The following SARS1 variants were observed in gnomAD, a reference collection of about 807,000 sequenced individuals.
The protein encoded by SARS1 is serine--tRNA ligase, cytoplasmic.
Under a neutral mutation model 63.7 loss-of-function variants are expected in SARS1, and 25 were observed. The ratio of observed to expected loss-of-function variants is 0.39; its 90% CI spans 0.29 to 0.55. The LOEUF is 0.55. Among genes scored for constraint, SARS1 ranks in the 20% least tolerant of loss-of-function variants. SARS1 has a pLI of 0.62. For missense variants in SARS1, 417 were observed against 649.7 expected, an observed-to-expected ratio of 0.64 and a Z score of 3.89; for synonymous variants, 231 against 243.5, an observed-to-expected ratio of 0.95 and a Z score of 0.48.
Position 109,214,685 on chromosome 1 carries a change from C to T in SARS1, c.136+557C>T. 1.0e-6 allele frequency: 1 copy of T among 985,640 alleles called. No individual in the cohort carries two copies. Among genetic ancestry groups the T allele is most frequent in the Middle Eastern group, 5.2e-4 (1 of 1,914 alleles). The allele number at this position is 985,640 out of a possible 1,614,324, so 61.1% of individuals were successfully genotyped here. A position where few individuals can be genotyped will look rare whatever the true frequency, so the allele number is the denominator to read the frequency against. On this transcript the variant is annotated intron_variant, in intron 1 of 10. Coordinates refer to ENST00000234677, the MANE Select transcript of SARS1 (RefSeq NM_006513.4). The surrounding 1 kb of genome is among the most constrained non-coding windows in gnomAD (Gnocchi z 4.6). ...CTGAAGCTTTTCGGAAGGCCATCCC[C>T]CGACCTATGGGCATACCTTTAAGAA...
At chr1:109,232,465 GA>G (rs1178737187) in intron 6 of SARS1, among the ~76,000 whole-genome samples, 1 of 152,204 alleles carries the variant, frequency 6.6e-6, no homozygotes, top group Non-Finnish European at 1.5e-5. Flanking sequence ...TCTTCTGTCA[GA>G]AATAGGGACT....
intron 6 of SARS1, among the ~76,000 whole-genome samples, chr1:109,233,911 C>T (rs1475627490): frequency 7.7e-6 from 1 of 130,180 alleles, no homozygotes; most frequent in African/African-American, 2.7e-5. Context: ...ACTCTTTCAC[C>T]CAGGCTAAAG....
At chr1:109,236,702 C>T in intron 9 of SARS1, 154 bp downstream of exon 9, 1 of 1,494,816 alleles carries the variant, frequency 6.7e-7, no homozygotes, top group Non-Finnish European at 8.9e-7. Flanking sequence ...ATGCCTTCTA[C>T]TGAGTCAGGA....
At chr1:109,219,651 G>T (rs1290176677) in intron 1 of SARS1, among the ~76,000 whole-genome samples, 2 of 151,710 alleles carry the variant, frequency 1.3e-5, no homozygotes, top group African/African-American at 2.4e-5. Flanking sequence ...TAGCTGGGAT[G>T]ACAGGCACCC....
In SARS1 at chr1:109,214,306, A is replaced by G. The variant is rs1654734506; in HGVS notation, c.136+178A>G. ...ACAGCCTGGTCGCCGGGGTCATCCC[A>G]CTTTCTCCTCCACCCGGGCGGAGCG... On this transcript the variant is annotated intron_variant, in intron 1 of 10. Coordinates refer to ENST00000234677, the MANE Select transcript of SARS1 (RefSeq NM_006513.4). The surrounding 1 kb of genome is among the most constrained non-coding windows in gnomAD (Gnocchi z 4.6). Among the ~76,000 whole-genome samples, 1 of 151,996 alleles carries G rather than the reference A, an allele frequency of 6.6e-6. No homozygotes were observed. Among genetic ancestry groups the G allele is most frequent in the Non-Finnish European group, 1.5e-5 (1 of 67,972 alleles).
At position 109,229,545 on chromosome 1, in the gene SARS1, C is replaced by T; in HGVS notation, c.420C>T (p.His140=). ...TCCGAGAGATTGGGAACCTTCTGCACCCTTCTGTACCCATCAGTAACGATG... is the reference window on the plus strand; with the variant it reads ...TCCGAGAGATTGGGAACCTTCTGCATCCTTCTGTACCCATCAGTAACGATG... ...ENLREIGNLL[H]PSVPISNDED... The change falls in exon 4 of 11, where the codon CAC becomes CAT. Residue 140 remains histidine, a synonymous_variant. Coordinates refer to ENST00000234677, the MANE Select transcript of SARS1 (RefSeq NM_006513.4). 1.2e-6 allele frequency: 2 copies of T among 1,613,156 alleles called. No individual in the cohort carries two copies. The highest frequency in any genetic ancestry group is 8.5e-7 in the Non-Finnish European group (1 of 1,179,660).
Position 109,237,928 on chromosome 1 carries a change from C to T in SARS1, c.*40C>T. On this transcript the variant is annotated 3_prime_UTR_variant, in exon 11 of 11. Coordinates refer to ENST00000234677, the MANE Select transcript of SARS1 (RefSeq NM_006513.4). This position sits in a 1 kb window ranked among gnomAD's most constrained non-coding sequence, Gnocchi z 4.1. ...CTATTTGCCAGGCTTTCATTTCTGTCTGCTGAGATCTCAGAGCCTGCCCAA... is the reference window on the plus strand; with the variant it reads ...CTATTTGCCAGGCTTTCATTTCTGTTTGCTGAGATCTCAGAGCCTGCCCAA... The T allele has an allele frequency of 1.2e-6, 2 of 1,606,632 alleles. No individual in the cohort carries two copies. Among genetic ancestry groups the T allele is most frequent in the Non-Finnish European group, 8.5e-7 (1 of 1,175,582 alleles).
chr1:109,215,354 C>T, intron 1 of SARS1: 4 of 985,376 alleles, frequency 4.1e-6, no homozygotes, highest in Non-Finnish European at 4.8e-6. Context: ...CAGCCCTTAG[C>T]CAGTGCTAAA....
At chr1:109,217,935 T>C (rs1360200737) in intron 1 of SARS1, among the ~76,000 whole-genome samples, 1 of 152,092 alleles carries the variant, frequency 6.6e-6, no homozygotes, top group Non-Finnish European at 1.5e-5. Context: ...CTCACTCCTG[T>C]AATCCCAGCA....
At chr1:109,221,968 GTGTATA>G (rs1654938754) in intron 1 of SARS1, among the ~76,000 whole-genome samples, 1 of 9,462 alleles carries the variant, frequency 1.1e-4, no homozygotes, top group African/African-American at 5.1e-4. Flanking sequence ...TTTTGTGTGT[GTGTATA>G]TATATATATA....
intron 1 of SARS1, chr1:109,215,318 A>C: frequency 1.0e-6 from 1 of 985,478 alleles, no homozygotes; most frequent in Non-Finnish European, 1.2e-6. Flanking sequence ...ATCTGAAGTC[A>C]GGAGTATCAG....
chr1:109,223,951 G>A (rs1342862249), intron 1 of SARS1, 27 bp from the exon 2 acceptor site: 1 of 1,547,634 alleles, frequency 6.5e-7, no homozygotes, highest in Non-Finnish European at 8.9e-7. Flanking sequence ...CATTTCTTTG[G>A]TATAGTCTTG....
Position 109,237,813 on chromosome 1 carries a change from C to T in SARS1, c.1470C>T (p.Gly490=). 1.2e-6 allele frequency: 2 copies of T among 1,614,192 alleles called. No individual in the cohort carries two copies. The highest frequency in any genetic ancestry group is 1.7e-6 in the Non-Finnish European group (2 of 1,180,036). ...AGAAGCAGAAGAAGCAACATGAGGG[C>T]AGCAAAAAGAAAGCAGCAGCAAGAG... ...PSKKQKKQHE[G]SKKKAAARDV... The change falls in exon 11 of 11, where the codon GGC becomes GGT. Residue 490 remains glycine (G), a synonymous_variant. Coordinates refer to ENST00000234677, the MANE Select transcript of SARS1 (RefSeq NM_006513.4). This position sits in a 1 kb window ranked among gnomAD's most constrained non-coding sequence, Gnocchi z 4.1.
chr1:109,230,250 T>A (rs907170880), intron 4 of SARS1, among the ~76,000 whole-genome samples: 4 of 152,062 alleles, frequency 2.6e-5, no homozygotes, highest in African/African-American at 7.2e-5. Flanking sequence ...GTGCAGGATT[T>A]GAGGGGTAAT....
intron 3 of SARS1, 109 bp from the exon 4 acceptor site, chr1:109,229,302 GCTA>G (rs1467028977): frequency 9.4e-7 from 1 of 1,066,450 alleles, no homozygotes; most frequent in East Asian, 2.4e-5. Context: ...TTTTTAAAAT[GCTA>G]CCACAAGGGC....
chr1:109,228,264 A>G lies in SARS1; in HGVS notation c.208-88A>G, dbSNP rs140864909. ...GTAAGAAGTTCTGTGATTCATTTAT[A>G]TAATACGTTAATTTGGTGTACACTT... On this transcript the variant is annotated intron_variant, in intron 2 of 10. Coordinates refer to ENST00000234677, the MANE Select transcript of SARS1 (RefSeq NM_006513.4). 299 of 969,316 alleles carry G rather than the reference A, an allele frequency of 3.1e-4. 2 individuals are homozygous for G. The East Asian group carries it at 4.9e-3, about 16-fold the overall frequency. 60.0% of individuals were successfully genotyped at this position (969,316 alleles called of 1,614,324 possible). A position where few individuals can be genotyped will look rare whatever the true frequency, so the allele number is the denominator to read the frequency against.
At chr1:109,221,970 G>GTATATA (rs773937466) in intron 1 of SARS1, among the ~76,000 whole-genome samples, 9 of 28,060 alleles carry the variant, frequency 3.2e-4, no homozygotes, top group African/African-American at 1.3e-3. Flanking sequence ...TTGTGTGTGT[G>GTATATA]TATATATATA....
intron 1 of SARS1, chr1:109,215,729 G>A (rs992778062): frequency 4.7e-6 from 4 of 852,612 alleles, no homozygotes; most frequent in Admixed American, 6.2e-5. Flanking sequence ...TTTTTGAGAC[G>A]GAGTCTCTCA....
Position 109,214,253 on chromosome 1 carries a change from C to A in SARS1, c.136+125C>A. On this transcript the variant is annotated intron_variant, in intron 1 of 10. Transcript: ENST00000234677. This position sits in a 1 kb window ranked among gnomAD's most constrained non-coding sequence, Gnocchi z 4.6. ...CAGACCCCCTCCCAGGGTGCGGTGG[C>A]TCCGAGGTTCTCCCCATCCCCGAAA... The A allele has an allele frequency of 8.9e-7, 1 of 1,125,598 alleles. No individual in the cohort carries two copies. The highest frequency in any genetic ancestry group is 1.6e-5 in the South Asian group (1 of 61,442). The allele number at this position is 1,125,598 out of a possible 1,614,324, so 69.7% of individuals were successfully genotyped here.
Sources: gnomAD v4.1 joint callset for allele counts (sites outside exome capture counted in the v4.1 genomes callset) on GRCh38, gnomAD v4.1.1 for gene constraint, Gnocchi (gnomAD v3.1) non-coding constraint, MANE v1.5 for transcripts, NCBI Gene and HGNC (gene_info 2026-07-23, HGNC 2026-07-21) for gene names.